INTS2: variants seen among roughly 807,000 people sequenced by gnomAD.
The protein encoded by INTS2 is integrator complex subunit 2, also known as KIAA1287.
In INTS2, 57 loss-of-function variants were observed where a neutral mutation model predicts 139.6. The observed-to-expected ratio is 0.41, with a 90% CI of 0.33 to 0.51. The LOEUF (loss-of-function observed/expected upper bound fraction) is 0.51, where lower values mean the gene tolerates loss of function less well. Among genes scored for constraint, INTS2 ranks in the 20% least tolerant of loss-of-function variants. The probability of loss-of-function intolerance (pLI) is 0.28; values close to 1 mark genes in which losing one functional copy is unlikely to be tolerated. For synonymous variants in INTS2, 473 were observed against 493.4 expected (o/e 0.96, Z 0.55); for missense variants, 1,196 against 1,436.7 (o/e 0.83, Z 2.71).
chr17:61,894,449 T>A (rs1020434949), intron 12 of INTS2, among the ~76,000 whole-genome samples: 1 of 152,212 alleles, frequency 6.6e-6, no homozygotes, highest in Non-Finnish European at 1.5e-5. Context: ...AACTTATGAT[T>A]CTCCCACATG....
chr17:61,884,208 A>AAG (rs2079203916), intron 16 of INTS2, among the ~76,000 whole-genome samples: 1 of 151,956 alleles, frequency 6.6e-6, no homozygotes, highest in African/African-American at 2.4e-5. Context: ...GAGGCAGGGG[A>AAG]GGCCGGGCAT....
rs762589539 is a variant in INTS2 at position 61,869,908 on chromosome 17, G to A, written c.2859C>T (p.Ser953=). Reference sequence around the variant, plus strand: ...TAACACTTTGAACATTTCTTAACAAGCTATCTGGATTGACACCATTTGCTT... The same window carrying A: ...TAACACTTTGAACATTTCTTAACAAACTATCTGGATTGACACCATTTGCTT... ...EEKANGVNPD[S]LLRNVQSVIT... Residue 953 remains serine, a synonymous_variant, in exon 21 of 25, where the codon AGC becomes AGT. Coordinates refer to ENST00000251334, the MANE Select transcript of INTS2 (RefSeq NM_001351695.2). This position sits in a 1 kb window ranked among gnomAD's most constrained non-coding sequence, Gnocchi z 5.4. 9 of 1,613,806 alleles carry A rather than the reference G, an allele frequency of 5.6e-6. No homozygotes were observed. Among genetic ancestry groups the A allele is most frequent in the Non-Finnish European group, 7.6e-6 (9 of 1,179,756 alleles).
intron 17 of INTS2, 112 bp from the exon 18 acceptor site, chr17:61,878,200 A>AT: frequency 1.5e-6 from 1 of 661,548 alleles, no homozygotes; most frequent in Non-Finnish European, 2.7e-6. Flanking sequence ...CAATGTGGCT[A>AT]AAAAGTAACT....
chr17:61,926,860 A>C (rs1170755329), intron 1 of INTS2, among the ~76,000 whole-genome samples, 198 bp from the exon 2 acceptor site: 1 of 152,202 alleles, frequency 6.6e-6, no homozygotes, highest in Non-Finnish European at 1.5e-5. Context: ...AAAACAGAGT[A>C]TATTAATGTC....
chr17:61,894,090 T>G, intron 12 of INTS2, 191 bp from the exon 13 acceptor site: 1 of 375,370 alleles, frequency 2.7e-6, no homozygotes, highest in Non-Finnish European at 4.7e-6. Context: ...ATTTATATAA[T>G]TCCCTAATTT....
chr17:61,919,276 A>G (rs995275042), intron 5 of INTS2, 124 bp downstream of exon 5: 1 of 592,994 alleles, frequency 1.7e-6, no homozygotes, highest in Non-Finnish European at 3.0e-6. Context: ...ATACATACTA[A>G]CAAACTTTCA....
Position 61,897,297 on chromosome 17 carries a change from T to G in INTS2, c.1494+172A>C, listed in dbSNP as rs752500856. On this transcript the variant is annotated intron_variant, in intron 11 of 24. Coordinates refer to ENST00000251334, the MANE Select transcript of INTS2 (RefSeq NM_001351695.2). This position sits in a 1 kb window ranked among gnomAD's most constrained non-coding sequence, Gnocchi z 4.4. Reference sequence around the variant, plus strand: ...GCTTTCCAAGGTTTTTGCATGAGTATCTATTATTTTAGTAAATACAGGTTT... The same window carrying G: ...GCTTTCCAAGGTTTTTGCATGAGTAGCTATTATTTTAGTAAATACAGGTTT... Among the ~76,000 whole-genome samples, 3 of 152,170 alleles carry G rather than the reference T, an allele frequency of 2.0e-5. No homozygotes were observed. The highest frequency in any genetic ancestry group is 2.9e-5 in the Non-Finnish European group (2 of 68,020).
At chr17:61,877,839 T>A in intron 18 of INTS2, 48 bp downstream of exon 18, 1 of 1,454,934 alleles carries the variant, frequency 6.9e-7, no homozygotes, top group Non-Finnish European at 9.6e-7. Context: ...TTGTATATTA[T>A]CCCTGCTATA....
chr17:61,924,539 C>T (rs1387153944), intron 3 of INTS2, among the ~76,000 whole-genome samples: 1 of 152,164 alleles, frequency 6.6e-6, no homozygotes, highest in African/African-American at 2.4e-5. Flanking sequence ...GTAGAGAAGG[C>T]CGGGCACGGT....
At position 61,891,409 on chromosome 17, in the gene INTS2, C is replaced by T. The variant is rs2079292119; in HGVS notation, c.1875+104G>A. 16 of 837,060 alleles carry T rather than the reference C, an allele frequency of 1.9e-5. No homozygotes were observed. In the South Asian group the frequency reaches 2.3e-4, roughly 12 times the overall value. The allele number at this position is 837,060 out of a possible 1,614,324, so 51.9% of individuals were successfully genotyped here. A position where few individuals can be genotyped will look rare whatever the true frequency, so the allele number is the denominator to read the frequency against. On this transcript the variant is annotated intron_variant, in intron 14 of 24. Transcript: ENST00000251334. Reference sequence around the variant, plus strand: ...AGGAAATTTAATCTAATTTTAAATTCAGAACTACCTAGAAGTCCTCTGATA... The same window carrying T: ...AGGAAATTTAATCTAATTTTAAATTTAGAACTACCTAGAAGTCCTCTGATA...
At chr17:61,903,568 G>T (rs1221312850) in intron 9 of INTS2, among the ~76,000 whole-genome samples, 5 of 151,490 alleles carry the variant, frequency 3.3e-5, no homozygotes, top group South Asian at 4.2e-4. Context: ...CTGGAGAGAA[G>T]ATTTAGGCTG....
At chr17:61,921,883 C>T (rs1397454298) in intron 3 of INTS2, 56 bp from the exon 4 acceptor site, 3 of 889,406 alleles carry the variant, frequency 3.4e-6, no homozygotes, top group Non-Finnish European at 5.2e-6. Context: ...AATTAAATCC[C>T]TATTTTTATA....
In INTS2 at chr17:61,867,735, T is replaced by A; in HGVS notation, c.3422-9A>T. 1 of 1,574,444 alleles carries A rather than the reference T, an allele frequency of 6.4e-7. No individual in the cohort carries two copies. Among genetic ancestry groups the A allele is most frequent in the South Asian group, 1.2e-5 (1 of 85,454 alleles). On this transcript the variant is annotated splice_polypyrimidine_tract_variant and intron_variant, in intron 24 of 24. Transcript: ENST00000251334. This position sits in a 1 kb window ranked among gnomAD's most constrained non-coding sequence, Gnocchi z 5.6. ...CTTTATTTGTTGAAGACCTACAACA[T>A]AAGGGAAAAAAAACATTAAGGCCAA...
intron 5 of INTS2, among the ~76,000 whole-genome samples, chr17:61,917,775 A>T (rs1218920275): frequency 6.6e-6 from 1 of 152,094 alleles, no homozygotes; most frequent in African/African-American, 2.4e-5. Context: ...CCTGAATCTA[A>T]AATAAAACTT....
chr17:61,912,685 C>A (rs1033957146), intron 5 of INTS2, among the ~76,000 whole-genome samples: 1 of 151,976 alleles, frequency 6.6e-6, no homozygotes, highest in African/African-American at 2.4e-5. Context: ...AAACTCTAAA[C>A]CCAGTTCAAT....
rs2079508375 is a variant in INTS2 at position 61,909,842 on chromosome 17, TGTGTG to T, written c.954+1673_954+1677del. On this transcript the variant is annotated intron_variant, in intron 7 of 24. Coordinates refer to ENST00000251334, the MANE Select transcript of INTS2 (RefSeq NM_001351695.2). The surrounding 1 kb of genome is among the most constrained non-coding windows in gnomAD (Gnocchi z 4.9). ...GTGTGTATGTGTGTGTGTGTGTGTG[TGTGTG>T]TGTGTGTGTGTGTGCATATATCACA... Among the ~76,000 whole-genome samples the T allele has an allele frequency of 6.6e-6, 1 of 151,688 alleles. No individual in the cohort carries two copies. Among genetic ancestry groups the T allele is most frequent in the Non-Finnish European group, 1.5e-5 (1 of 67,914 alleles).
In INTS2 at chr17:61,897,549, A is replaced by C. The variant is rs1202567256; in HGVS notation, c.1414T>G (p.Leu472Val). The C allele has an allele frequency of 6.2e-7, 1 of 1,603,870 alleles. No individual in the cohort carries two copies. The highest frequency in any genetic ancestry group is 8.5e-7 in the Non-Finnish European group (1 of 1,174,932). ...TGAAAGTACATAGCCACCAATAATA[A>C]CATCTCCCCAAAAGAAGCAGAGACG... The part of the protein sequence containing the change: ...SGVSASFGEM[L>V]LLVAMYFHSN... The change falls in exon 11 of 25, where the codon TTA becomes GTA. Residue 472 changes from leucine (L) to valine (V), a missense_variant. Physicochemically the swap from Leu to Val is conservative, Grantham distance 32 (BLOSUM62 1). Coordinates refer to ENST00000251334, the MANE Select transcript of INTS2 (RefSeq NM_001351695.2). This position sits in a 1 kb window ranked among gnomAD's most constrained non-coding sequence, Gnocchi z 4.4.
intron 17 of INTS2, among the ~76,000 whole-genome samples, chr17:61,879,162 C>T (rs986158052): frequency 1.4e-5 from 2 of 140,476 alleles, no homozygotes; most frequent in Non-Finnish European, 3.0e-5. Context: ...TCAAGTGATC[C>T]TCCTGCTTTG....
At chr17:61,927,613 C>A in intron 1 of INTS2, 41 bp downstream of exon 1, 1 of 1,297,992 alleles carries the variant, frequency 7.7e-7, no homozygotes, top group Non-Finnish European at 9.8e-7. Flanking sequence ...CCGACACGGA[C>A]CTAGGAACGC....
Sources: allele counts gnomAD v4.1 joint callset (sites outside exome capture counted in the v4.1 genomes callset), GRCh38; gene constraint gnomAD v4.1.1; non-coding constraint Gnocchi (gnomAD v3.1); transcripts MANE v1.5; gene names NCBI Gene and HGNC (gene_info 2026-07-23, HGNC 2026-07-21).